Variants in ATRN observed in about 807,000 individuals in gnomAD.
ATRN encodes attractin-2.
A neutral mutation model predicts 178.7 loss-of-function variants in ATRN; 54 were observed. That is an observed-to-expected ratio of 0.30 (90% CI 0.24 to 0.38). The LOEUF is 0.38. Among genes scored for constraint, ATRN ranks in the 10% least tolerant of loss-of-function variants. The pLI is 1.00. For synonymous variants in ATRN, 636 were observed against 663.0 expected, an observed-to-expected ratio of 0.96 and a Z score of 0.63; for missense variants, 1,443 against 1,815.1, an observed-to-expected ratio of 0.79 and a Z score of 3.73.
intron 1 of ATRN, among the ~76,000 whole-genome samples, chr20:3,524,714 C>G (rs2085341387): frequency 6.6e-6 from 1 of 152,138 alleles, no homozygotes; most frequent in Non-Finnish European, 1.5e-5. Flanking sequence ...TAACGTCCCT[C>G]AGACCACAGT....
chr20:3,588,981 G>GTTTTTTTTTTTTTTTTTTTTT (rs386393128), intron 18 of ATRN, among the ~76,000 whole-genome samples: 4 of 99,792 alleles, frequency 4.0e-5, no homozygotes, highest in African/African-American at 3.8e-5. Context: ...ATTTTCTTTT[G>GTTTTTTTTTTTTTTTTTTTTT]TTTTTTTTTT....
chr20:3,598,036 A>T, intron 22 of ATRN, 36 bp downstream of exon 22: 1 of 1,355,236 alleles, frequency 7.4e-7, no homozygotes, highest in Non-Finnish European at 1.1e-6. Context: ...TTTGTTTTGA[A>T]TTTGTATGGA....
chr20:3,615,538 CTTTTCTT>C lies in ATRN; in HGVS notation c.3802-8954_3802-8948del, dbSNP rs1214221318. On this transcript the variant is annotated intron_variant, in intron 24 of 28. Coordinates refer to ENST00000262919, the MANE Select transcript of ATRN (RefSeq NM_139321.3). ...ACATGCTTTTAAGTACAGTTTAATT[CTTTTCTT>C]TTTTCTTTTTTCTTTTTTTTTTTTT... Among the ~76,000 whole-genome samples the C allele has an allele frequency of 1.8e-3, 266 of 149,262 alleles. 1 individual carries two copies. Among genetic ancestry groups the C allele is most frequent in the East Asian group, 2.7e-3 (14 of 5,100 alleles).
intron 24 of ATRN, among the ~76,000 whole-genome samples, chr20:3,623,235 C>T (rs1259421731): frequency 6.6e-6 from 1 of 152,134 alleles, no homozygotes; most frequent in East Asian, 1.9e-4. Context: ...CGCAGCTTTC[C>T]TTCTCTCAAG....
At chr20:3,521,220 A>G (rs1014429250) in intron 1 of ATRN, among the ~76,000 whole-genome samples, 1 of 152,222 alleles carries the variant, frequency 6.6e-6, no homozygotes, top group Admixed American at 6.5e-5. Flanking sequence ...ATGAAGGTGT[A>G]TGCAAAGTAT....
In ATRN at chr20:3,471,436, G is replaced by A; in HGVS notation, c.329G>A (p.Arg110His). ...ECDRPCVNGG[R>H]CNPGTGQCVC... ...GACCGGCCCTGTGTCAACGGCGGTC[G>A]CTGCAACCCTGGCACCGGCCAGTGC... is the stretch of plus-strand genomic sequence containing the variant. Residue 110 changes from arginine (R) to histidine (H), a missense_variant, in exon 1 of 29, where the codon CGC (arginine) becomes CAC (histidine). Transcript: ENST00000262919. 2 of 1,461,254 alleles carry A rather than the reference G, an allele frequency of 1.4e-6. No homozygotes were observed. The highest frequency in any genetic ancestry group is 1.8e-6 in the Non-Finnish European group (2 of 1,114,334). 90.5% of individuals were successfully genotyped at this position (1,461,254 alleles called of 1,614,324 possible). A position where few individuals can be genotyped will look rare whatever the true frequency, so the allele number is the denominator to read the frequency against.
At chr20:3,478,490 C>T (rs1039257628) in intron 1 of ATRN, among the ~76,000 whole-genome samples, 10 of 151,912 alleles carry the variant, frequency 6.6e-5, no homozygotes, top group Admixed American at 3.9e-4. Context: ...TGTTCTCACT[C>T]GTAAGTGGGA....
In ATRN at chr20:3,587,151, G is replaced by A. The variant is rs187491510; in HGVS notation, c.3184+2271G>A. Among the ~76,000 whole-genome samples the A allele has an allele frequency of 2.0e-3, 305 of 152,120 alleles. 1 individual carries two copies. Among genetic ancestry groups the A allele is most frequent in the African/African-American group, 7.1e-3 (295 of 41,522 alleles). On this transcript the variant is annotated intron_variant, in intron 18 of 28. Coordinates refer to ENST00000262919, the MANE Select transcript of ATRN (RefSeq NM_139321.3). Reference sequence around the variant, plus strand: ...AAGTCCCTTATTGGATATATTATTTGCAAATACTTTCTCCCATTATATGGG... The same window carrying A: ...AAGTCCCTTATTGGATATATTATTTACAAATACTTTCTCCCATTATATGGG...
intron 26 of ATRN, among the ~76,000 whole-genome samples, chr20:3,637,215 T>G (rs2087031734): frequency 6.6e-6 from 1 of 152,240 alleles, no homozygotes; most frequent in South Asian, 2.1e-4. Flanking sequence ...ATTTTTAAAA[T>G]GTCAGCCATT....
chr20:3,634,239 C>A, intron 25 of ATRN, 72 bp from the exon 26 acceptor site: 1 of 1,449,778 alleles, frequency 6.9e-7, no homozygotes, highest in Non-Finnish European at 9.7e-7. Context: ...ACTGCCTGGC[C>A]TGAGGTGTGG....
At chr20:3,556,928 G>T (rs2085885020) in intron 6 of ATRN, among the ~76,000 whole-genome samples, 1 of 152,194 alleles carries the variant, frequency 6.6e-6, no homozygotes, top group Non-Finnish European at 1.5e-5. Flanking sequence ...GTTGACAGAA[G>T]AGGAGCAAAA....
At chr20:3,544,409 A>G (rs2085668333) in intron 3 of ATRN, among the ~76,000 whole-genome samples, 1 of 152,220 alleles carries the variant, frequency 6.6e-6, no homozygotes, top group South Asian at 2.1e-4. Context: ...AAAGAAATAG[A>G]ATTGCTAGGT....
intron 25 of ATRN, among the ~76,000 whole-genome samples, chr20:3,625,105 TA>T (rs2086926957): frequency 6.6e-6 from 1 of 152,230 alleles, no homozygotes; most frequent in African/African-American, 2.4e-5. Context: ...CTGCAGTTTT[TA>T]AAACAGAAAG....
At chr20:3,589,849 G>T (rs1431427629) in intron 18 of ATRN, among the ~76,000 whole-genome samples, 5 of 152,226 alleles carry the variant, frequency 3.3e-5, no homozygotes, top group African/African-American at 1.2e-4. Flanking sequence ...GGTGCAATTA[G>T]CATGTTCATG....
At chr20:3,528,404 C>T (rs2085404122) in intron 1 of ATRN, among the ~76,000 whole-genome samples, 1 of 151,918 alleles carries the variant, frequency 6.6e-6, no homozygotes, top group African/African-American at 2.4e-5. Context: ...CCGTGGAATA[C>T]TACCACCTGT....
intron 1 of ATRN, among the ~76,000 whole-genome samples, chr20:3,492,903 A>T (rs1217995101): frequency 6.8e-6 from 1 of 146,710 alleles, no homozygotes; most frequent in African/African-American, 2.5e-5. Flanking sequence ...ACACATAACT[A>T]ATATATATAA....
At chr20:3,535,458 C>A in intron 2 of ATRN, 122 bp downstream of exon 2, 1 of 376,714 alleles carries the variant, frequency 2.7e-6, no homozygotes, top group Admixed American at 4.6e-5. Context: ...TACTTGATAA[C>A]CTTTCATTTG....
At chr20:3,629,382 C>T in intron 25 of ATRN, 1 of 834,276 alleles carries the variant, frequency 1.2e-6, no homozygotes, top group Non-Finnish European at 1.4e-6. Flanking sequence ...TCTTCAAAAG[C>T]ACAAGCTCTT....
chr20:3,529,590 C>G (rs1317838959), intron 1 of ATRN, among the ~76,000 whole-genome samples: 1 of 152,082 alleles, frequency 6.6e-6, no homozygotes, highest in Non-Finnish European at 1.5e-5. Context: ...AAGTCAAATT[C>G]TGTAAAACTG....
Sources: gnomAD v4.1 joint callset for allele counts (sites outside exome capture counted in the v4.1 genomes callset) on GRCh38, gnomAD v4.1.1 for gene constraint, MANE v1.5 for transcripts, NCBI Gene and HGNC (gene_info 2026-07-23, HGNC 2026-07-21) for gene names.